EVL: variants seen among roughly 807,000 people sequenced by gnomAD.
EVL encodes the protein ena/VASP-like protein.
In EVL, 21 loss-of-function variants were observed where a neutral mutation model predicts 59.6. That is an observed-to-expected ratio of 0.35 (90% confidence interval 0.25 to 0.51). The LOEUF is 0.51. Ranked by LOEUF, EVL falls within the 20% of genes least tolerant of loss-of-function variation. The pLI is 0.97. For synonymous variants in EVL, 198 were observed against 203.5 expected (o/e 0.97, Z 0.23); for missense variants, 462 against 546.6 (o/e 0.85, Z 1.54).
chr14:100,053,932 C>T (rs1420994593), intron 1 of EVL, among the ~76,000 whole-genome samples: 1 of 152,098 alleles, frequency 6.6e-6, no homozygotes, highest in Non-Finnish European at 1.5e-5. Flanking sequence ...CAGGCGTGAG[C>T]CACTGTGCCC....
intron 11 of EVL, chr14:100,138,083 A>G (rs1888926475): frequency 3.7e-6 from 2 of 544,836 alleles, no homozygotes; most frequent in Admixed American, 3.3e-5. Flanking sequence ...TGGACTCACT[A>G]CGTGTGACAG....
intron 1 of EVL, among the ~76,000 whole-genome samples, chr14:100,078,758 C>T (rs1209231628): frequency 1.3e-5 from 2 of 152,124 alleles, no homozygotes; most frequent in African/African-American, 2.4e-5. Flanking sequence ...GCTCACTCAC[C>T]CTGGTTTGCC....
chr14:99,986,684 C>T (rs2060842405), intron 1 of EVL, among the ~76,000 whole-genome samples: 1 of 152,204 alleles, frequency 6.6e-6, no homozygotes, highest in African/African-American at 2.4e-5. Context: ...GTTTTCTACA[C>T]ATGTAGCCTA....
At chr14:100,047,380 C>G (rs540253748) in intron 1 of EVL, among the ~76,000 whole-genome samples, 1 of 152,062 alleles carries the variant, frequency 6.6e-6, no homozygotes, top group South Asian at 2.1e-4. Flanking sequence ...CTCCCTGTAC[C>G]CAAGCACAGA....
chr14:100,143,191 G>C (rs1269072395), intron 13 of EVL, among the ~76,000 whole-genome samples: 1 of 152,090 alleles, frequency 6.6e-6, no homozygotes, highest in Non-Finnish European at 1.5e-5. Context: ...AGAGGACCCT[G>C]CCTCTCCTGA....
intron 1 of EVL, among the ~76,000 whole-genome samples, chr14:100,003,741 T>A (rs781214423): frequency 3.9e-4 from 60 of 152,116 alleles, no homozygotes; most frequent in East Asian, 7.7e-4. Flanking sequence ...TAAAAAAAAA[T>A]TTTTTTTAAT....
chr14:100,109,937 C>T lies in EVL; in HGVS notation c.358+12279C>T, dbSNP rs1374856696. Among the ~76,000 whole-genome samples the T allele has an allele frequency of 6.6e-5, 10 of 152,188 alleles. No individual in the cohort carries two copies. Among genetic ancestry groups the T allele is most frequent in the East Asian group, 1.9e-4 (1 of 5,196 alleles). On this transcript the variant is annotated intron_variant, in intron 3 of 13. Transcript: ENST00000392920. This position sits in a 1 kb window ranked among gnomAD's most constrained non-coding sequence, Gnocchi z 4.3. ...ATGTCACTGACCTAAGACTCAGTTT[C>T]GCCATCTGTGAAATGGCTGAATCAG...
At chr14:100,054,769 C>T (rs551622216) in intron 1 of EVL, among the ~76,000 whole-genome samples, 42 of 152,226 alleles carry the variant, frequency 2.8e-4, no homozygotes, top group African/African-American at 1.0e-3. Context: ...TTGTGCTGTG[C>T]CTCTTATTTT....
At chr14:100,007,795 GAGAGACAGACAGAGACAGAGAGAGAA>G (rs879907490) in intron 1 of EVL, among the ~76,000 whole-genome samples, 2 of 152,120 alleles carry the variant, frequency 1.3e-5, no homozygotes, top group Non-Finnish European at 2.9e-5. Flanking sequence ...GAGAGAGAGG[GAGAGACAGACAGAGACAGAGAGAGAA>G]AGAGAAAGAA....
chr14:100,051,519 A>C (rs2061647161), intron 1 of EVL, among the ~76,000 whole-genome samples: 1 of 152,132 alleles, frequency 6.6e-6, no homozygotes, highest in Non-Finnish European at 1.5e-5. Flanking sequence ...TTTTCTTTTT[A>C]CTTATAACAG....
At chr14:100,112,717 C>G (rs910963016) in intron 3 of EVL, among the ~76,000 whole-genome samples, 1 of 152,190 alleles carries the variant, frequency 6.6e-6, no homozygotes, top group Non-Finnish European at 1.5e-5. Flanking sequence ...CTGCTTATAC[C>G]ACGTAATCGC....
At position 100,058,831 on chromosome 14, in the gene EVL, A is replaced by C. The variant is rs1226536846; in HGVS notation, c.6-25856A>C. Among the ~76,000 whole-genome samples, 3 of 152,290 alleles carry C rather than the reference A, an allele frequency of 2.0e-5. No individual in the cohort carries two copies. The East Asian group carries it at 5.8e-4, about 29-fold the overall frequency. ...ATAATTCTTCTCAAGTGCTTCATTA[A>C]AGCTAGATGATAGAGTTAAAATAGT... On this transcript the variant is annotated intron_variant, in intron 1 of 13. Coordinates refer to the EVL transcript ENST00000402714.
chr14:100,073,715 C>T (rs189272700), intron 1 of EVL, among the ~76,000 whole-genome samples: 5 of 152,258 alleles, frequency 3.3e-5, no homozygotes, highest in South Asian at 4.1e-4. Context: ...CACAAAAATC[C>T]GTGGAGGCTG....
At chr14:100,102,598 C>G (rs1886292148) in intron 3 of EVL, among the ~76,000 whole-genome samples, 2 of 152,176 alleles carry the variant, frequency 1.3e-5, no homozygotes, top group African/African-American at 2.4e-5. Flanking sequence ...GAGACGCCAT[C>G]TGGTGTAATG....
At chr14:100,035,544 A>G (rs1431680848) in intron 1 of EVL, among the ~76,000 whole-genome samples, 2 of 152,108 alleles carry the variant, frequency 1.3e-5, no homozygotes, top group African/African-American at 2.4e-5. Context: ...GTTTTCACTG[A>G]TGGGGAGAGC....
intron 1 of EVL, among the ~76,000 whole-genome samples, chr14:100,032,518 A>C (rs1256898321): frequency 6.6e-6 from 1 of 152,178 alleles, no homozygotes; most frequent in Admixed American, 6.5e-5. Context: ...AATTCTGTCC[A>C]TTGCCAGGAC....
chr14:100,004,656 A>G (rs1332891393), intron 1 of EVL, among the ~76,000 whole-genome samples: 1 of 152,176 alleles, frequency 6.6e-6, no homozygotes, highest in African/African-American at 2.4e-5. Context: ...CAGTCATTTT[A>G]TTCTAGGACT....
chr14:100,117,413 C>T (rs1238175907), intron 3 of EVL, among the ~76,000 whole-genome samples: 1 of 152,254 alleles, frequency 6.6e-6, no homozygotes, highest in East Asian at 1.9e-4. Context: ...GGGCTGGGCT[C>T]CCCTTCTTGC....
chr14:100,135,656 A>G (rs539123377), intron 8 of EVL: 29 of 451,632 alleles, frequency 6.4e-5, no homozygotes, highest in Non-Finnish European at 9.3e-5. Flanking sequence ...AGGAAGTTCT[A>G]TATCACCCTG....
Sources: allele counts gnomAD v4.1 joint callset (sites outside exome capture counted in the v4.1 genomes callset), GRCh38; gene constraint gnomAD v4.1.1; non-coding constraint Gnocchi (gnomAD v3.1); transcripts MANE v1.5; gene names NCBI Gene and HGNC (gene_info 2026-07-23, HGNC 2026-07-21).